ANKS1B: variants seen among roughly 807,000 people sequenced by gnomAD.
ANKS1B encodes the protein ankyrin repeat and sterile alpha motif domain-containing protein 1B.
ANKS1B carries 36 observed loss-of-function variants against 148.3 expected under a neutral mutation model. The observed-to-expected ratio is 0.24, with a 90% CI of 0.19 to 0.32. The LOEUF (loss-of-function observed/expected upper bound fraction) is 0.32. Ranked by LOEUF, ANKS1B falls within the 10% of genes least tolerant of loss-of-function variation. The pLI is 1.00. For missense variants in ANKS1B, 1,157 were observed against 1,542.6 expected (o/e 0.75, Z 4.19); for synonymous variants, 542 against 560.8 (o/e 0.97, Z 0.47).
intron 4 of ANKS1B, among the ~76,000 whole-genome samples, chr12:99,793,891 G>A (rs369188704): frequency 2.6e-5 from 4 of 151,844 alleles, no homozygotes; most frequent in South Asian, 2.1e-4. Context: ...GACAACCCAC[G>A]GAATAGGAGA....
intron 9 of ANKS1B, among the ~76,000 whole-genome samples, chr12:99,569,373 A>G (rs1359544902): frequency 6.6e-6 from 1 of 152,208 alleles, no homozygotes; most frequent in Non-Finnish European, 1.5e-5. Flanking sequence ...TAGCTGTATA[A>G]CCTTGGACAA....
At chr12:99,588,291 T>G (rs1276183284) in intron 9 of ANKS1B, among the ~76,000 whole-genome samples, 1 of 152,208 alleles carries the variant, frequency 6.6e-6, no homozygotes, top group African/African-American at 2.4e-5. Context: ...TTCATCTGCA[T>G]TCTACAGAGG....
intron 10 of ANKS1B, among the ~76,000 whole-genome samples, chr12:99,451,786 C>CGT (rs147892225): frequency 9.3e-4 from 140 of 150,538 alleles, no homozygotes; most frequent in Admixed American, 3.3e-3. Flanking sequence ...TGTACAGATA[C>CGT]GTGTGTGTGT....
intron 11 of ANKS1B, among the ~76,000 whole-genome samples, chr12:99,416,659 G>A (rs1239266160): frequency 1.3e-5 from 2 of 152,098 alleles, no homozygotes; most frequent in Non-Finnish European, 2.9e-5. Context: ...GCAGTAAAAC[G>A]TCTCTTCATG....
intron 17 of ANKS1B, among the ~76,000 whole-genome samples, chr12:98,911,355 G>A (rs1253528174): frequency 6.6e-6 from 1 of 152,082 alleles, no homozygotes; most frequent in African/African-American, 2.4e-5. Context: ...AGGAGGTTTG[G>A]GTGTACTGGC....
chr12:99,341,873 C>T (rs189151857), intron 12 of ANKS1B, among the ~76,000 whole-genome samples: 192 of 152,202 alleles, frequency 1.3e-3, no homozygotes, highest in Non-Finnish European at 9.6e-4. Context: ...CAACATTCAC[C>T]TTTTAACTAC....
intron 22 of ANKS1B, among the ~76,000 whole-genome samples, chr12:98,793,622 A>T (rs901097372): frequency 6.6e-6 from 1 of 152,254 alleles, no homozygotes. Context: ...TAAGGGACCC[A>T]AACATTGCAA....
chr12:99,196,175 A>T (rs746905777), intron 14 of ANKS1B, among the ~76,000 whole-genome samples: 20 of 152,166 alleles, frequency 1.3e-4, no homozygotes, highest in Non-Finnish European at 2.5e-4. Flanking sequence ...GATATTCTGC[A>T]ATGGGAATTA....
intron 8 of ANKS1B, among the ~76,000 whole-genome samples, chr12:99,748,534 C>A (rs1306084884): frequency 6.6e-6 from 1 of 151,862 alleles, no homozygotes; most frequent in Non-Finnish European, 1.5e-5. Context: ...AATTTTCATT[C>A]ATTTAACAAA....
chr12:99,169,807 A>G (rs1375846769), intron 14 of ANKS1B, among the ~76,000 whole-genome samples: 6 of 152,130 alleles, frequency 3.9e-5, no homozygotes, highest in African/African-American at 1.4e-4. Context: ...GAAGTTATGA[A>G]TTGTCTAAAG....
chr12:99,103,587 A>C (rs2058491329), intron 15 of ANKS1B, among the ~76,000 whole-genome samples: 1 of 152,188 alleles, frequency 6.6e-6, no homozygotes, highest in Non-Finnish European at 1.5e-5. Context: ...ACTTCTTAAA[A>C]CAAGGAAGGG....
At chr12:98,914,483 G>GTTCT (rs1364107962) in intron 17 of ANKS1B, among the ~76,000 whole-genome samples, 1 of 152,108 alleles carries the variant, frequency 6.6e-6, no homozygotes, top group Non-Finnish European at 1.5e-5. Context: ...TGCCTCCCTT[G>GTTCT]TTCTTTAAGA....
intron 1 of ANKS1B, among the ~76,000 whole-genome samples, chr12:99,830,606 A>T (rs2153688218): frequency 6.6e-6 from 1 of 151,414 alleles, no homozygotes; most frequent in Non-Finnish European, 1.5e-5. Flanking sequence ...AACCAGTCAT[A>T]CATATAGGAA....
intron 4 of ANKS1B, 117 bp from the exon 5 acceptor site, chr12:99,782,214 C>A: frequency 1.2e-6 from 1 of 821,192 alleles, no homozygotes; most frequent in Non-Finnish European, 1.9e-6. Context: ...CTCAGCTCTC[C>A]CTAACAGAAA....
At chr12:99,525,569 T>C (rs1443163634) in intron 9 of ANKS1B, among the ~76,000 whole-genome samples, 1 of 152,188 alleles carries the variant, frequency 6.6e-6, no homozygotes, top group Non-Finnish European at 1.5e-5. Context: ...CAGAAACTTA[T>C]TACATTATAA....
At chr12:99,741,662 G>C (rs180965092) in intron 8 of ANKS1B, among the ~76,000 whole-genome samples, 2 of 151,898 alleles carry the variant, frequency 1.3e-5, no homozygotes, top group African/African-American at 4.8e-5. Flanking sequence ...ACCAAACACC[G>C]CATGTTCTCA....
At chr12:99,192,701 A>G (rs928062403) in intron 14 of ANKS1B, among the ~76,000 whole-genome samples, 1 of 152,102 alleles carries the variant, frequency 6.6e-6, no homozygotes. Flanking sequence ...AAAATAAAGC[A>G]TGACGTCAAC....
At chr12:99,615,749 T>C (rs1438252557) in intron 9 of ANKS1B, among the ~76,000 whole-genome samples, 3 of 152,102 alleles carry the variant, frequency 2.0e-5, no homozygotes, top group Non-Finnish European at 4.4e-5. Flanking sequence ...AGGATTCCCT[T>C]TCTCACCACT....
At chr12:98,798,287 A>G (rs1056220722) in intron 22 of ANKS1B, among the ~76,000 whole-genome samples, 14 of 152,008 alleles carry the variant, frequency 9.2e-5, no homozygotes, top group Admixed American at 4.6e-4. Flanking sequence ...ATGCCTGGCT[A>G]ATTTTTGTAT....
Sources: allele counts gnomAD v4.1 joint callset (sites outside exome capture counted in the v4.1 genomes callset), GRCh38; gene constraint gnomAD v4.1.1; transcripts MANE v1.5; gene names NCBI Gene and HGNC (gene_info 2026-07-23, HGNC 2026-07-21).